The following SLC39A9 variants were observed in gnomAD, a reference collection of about 807,000 sequenced individuals.
SLC39A9 encodes the protein solute carrier family 39 member 9.
Under a neutral mutation model 28.4 loss-of-function variants are expected in SLC39A9, and 14 were observed. The ratio of observed to expected loss-of-function variants is 0.49; its 90% confidence interval spans 0.33 to 0.77. SLC39A9 has a LOEUF of 0.77. Ranked by LOEUF, SLC39A9 falls within the 30% of genes least tolerant of loss-of-function variation. The pLI is 0.02. For missense variants in SLC39A9, 283 were observed against 381.1 expected (o/e 0.74, Z 2.14); for synonymous variants, 119 against 149.6 (o/e 0.80, Z 1.49).
In SLC39A9 at chr14:69,459,264, C is replaced by T. The variant is rs1418466237; in HGVS notation, c.*671C>T. The T allele has an allele frequency of 2.0e-6, 2 of 985,300 alleles. No individual in the cohort carries two copies. Among genetic ancestry groups the T allele is most frequent in the African/African-American group, 3.5e-5 (2 of 57,224 alleles). 61.0% of individuals were successfully genotyped at this position (985,300 alleles called of 1,614,324 possible). On this transcript the variant is annotated 3_prime_UTR_variant, in exon 7 of 7. Transcript: ENST00000336643. ...ACGTGCCTCTCTGAATCCAGCCTGC[C>T]ATTCCATCAAATGGAGCAGGAGAGG... is the stretch of plus-strand genomic sequence containing the variant.
Position 69,455,883 on chromosome 14 carries a change from C to G in SLC39A9, c.693+17C>G. 6.2e-7 allele frequency: 1 copy of G among 1,612,700 alleles called. No homozygotes were observed. The highest frequency in any genetic ancestry group is 8.5e-7 in the Non-Finnish European group (1 of 1,179,222). ...CTGAGTAAGGTAAGCTAATCTATTC[C>G]CAGCTATCTAAACCAGTGTCTTGTG... On this transcript the variant is annotated intron_variant, in intron 6 of 6. Coordinates refer to ENST00000336643, the MANE Select transcript of SLC39A9 (RefSeq NM_018375.5).
intron 1 of SLC39A9, among the ~76,000 whole-genome samples, chr14:69,415,652 A>T (rs76972457): frequency 4.3e-5 from 2 of 46,418 alleles, no homozygotes; most frequent in African/African-American, 7.4e-5. Flanking sequence ...GCTGGGGATC[A>T]GGGGGGATTC....
Position 69,407,499 on chromosome 14 carries a change from C to T in SLC39A9, c.96+8034C>T, listed in dbSNP as rs144699459. On this transcript the variant is annotated intron_variant, in intron 1 of 6. Coordinates refer to ENST00000336643, the MANE Select transcript of SLC39A9 (RefSeq NM_018375.5). ...ATTACAGGCATGCACCACCACGCCC[C>T]ACTAATTTTGTATTTTTAGTTAGAG... Among the ~76,000 whole-genome samples, 618 of 150,692 alleles carry T rather than the reference C, an allele frequency of 4.1e-3. 6 individuals carry two copies. The highest frequency in any genetic ancestry group is 0.015 in the African/African-American group (595 of 41,022).
intron 1 of SLC39A9, among the ~76,000 whole-genome samples, chr14:69,408,267 C>A (rs188988318): frequency 7.1e-4 from 108 of 152,294 alleles, no homozygotes; most frequent in African/African-American, 2.4e-3. Context: ...CCCGCCTTGG[C>A]CTCCGGAAGT....
At chr14:69,453,351 A>G in intron 4 of SLC39A9, 42 bp downstream of exon 4, 1 of 1,561,230 alleles carries the variant, frequency 6.4e-7, no homozygotes, top group Non-Finnish European at 8.8e-7. Context: ...TTTCTATCGC[A>G]CAGGGGAGAC....
chr14:69,457,208 T>A (rs1263504594), intron 6 of SLC39A9, among the ~76,000 whole-genome samples: 1 of 151,016 alleles, frequency 6.6e-6, no homozygotes, highest in South Asian at 2.1e-4. Flanking sequence ...ACACACACAT[T>A]TTTTTTTTCC....
At chr14:69,414,844 A>G (rs927112820) in intron 1 of SLC39A9, among the ~76,000 whole-genome samples, 9 of 152,220 alleles carry the variant, frequency 5.9e-5, no homozygotes, top group African/African-American at 2.2e-4. Flanking sequence ...TCTGATTTCA[A>G]TCTTTATAGA....
At position 69,461,061 on chromosome 14, in the gene SLC39A9, T is replaced by G. The variant is rs1886091404; in HGVS notation, c.*2468T>G. 6.1e-6 allele frequency: 6 copies of G among 985,730 alleles called. No individual in the cohort carries two copies. Among genetic ancestry groups the G allele is most frequent in the Non-Finnish European group, 7.2e-6 (6 of 830,166 alleles). 61.1% of individuals were successfully genotyped at this position (985,730 alleles called of 1,614,324 possible). A position where few individuals can be genotyped will look rare whatever the true frequency, so the allele number is the denominator to read the frequency against. The stretch of plus-strand genomic sequence containing the variant: ...TTCCTCTTGTTTAAAACTGCCTCTT[T>G]AGATGTGGATGCCTTAATGCTGTAA... On this transcript the variant is annotated 3_prime_UTR_variant, in exon 7 of 7. Transcript: ENST00000336643.
Position 69,455,872 on chromosome 14 carries a change from C to G in SLC39A9, c.693+6C>G. On this transcript the variant is annotated splice_donor_region_variant and intron_variant, in intron 6 of 6. Coordinates refer to ENST00000336643, the MANE Select transcript of SLC39A9 (RefSeq NM_018375.5). ...CATACTTAGGACTGAGTAAGGTAAG[C>G]TAATCTATTCCCAGCTATCTAAACC... The G allele has an allele frequency of 6.2e-7, 1 of 1,613,704 alleles. No homozygotes were observed. The highest frequency in any genetic ancestry group is 8.5e-7 in the Non-Finnish European group (1 of 1,179,814).
Position 69,399,266 on chromosome 14 carries a change from C to G in SLC39A9, c.-104C>G. On this transcript the variant is annotated 5_prime_UTR_variant, in exon 1 of 7. Coordinates refer to ENST00000336643, the MANE Select transcript of SLC39A9 (RefSeq NM_018375.5). ...TGGGAAGGCCTAAAGAACTGGAAAG[C>G]CCACTCTCTTGGAACCACCACACCT... 1 of 971,528 alleles carries G rather than the reference C, an allele frequency of 1.0e-6. No homozygotes were observed. The highest frequency in any genetic ancestry group is 1.6e-6 in the Non-Finnish European group (1 of 626,422). 60.2% of individuals were successfully genotyped at this position (971,528 alleles called of 1,614,324 possible). A position where few individuals can be genotyped will look rare whatever the true frequency, so the allele number is the denominator to read the frequency against.
intron 1 of SLC39A9, among the ~76,000 whole-genome samples, chr14:69,411,211 C>CA (rs35337440): frequency 0.22 from 16,323 of 73,522 alleles, 1,472 homozygotes; most frequent in Middle Eastern, 0.4. Flanking sequence ...GATTCCATCT[C>CA]AAAAAAAAAA....
At chr14:69,451,735 A>AGACAAGGT (rs1378599824) in intron 3 of SLC39A9, among the ~76,000 whole-genome samples, 3 of 152,150 alleles carry the variant, frequency 2.0e-5, no homozygotes, top group Admixed American at 6.5e-5. Flanking sequence ...ATTTTTCTTG[A>AGACAAGGT]GACAAGGTCT....
chr14:69,434,188 A>G (rs1356590680), intron 2 of SLC39A9, among the ~76,000 whole-genome samples: 4 of 150,894 alleles, frequency 2.7e-5, no homozygotes, highest in Admixed American at 2.0e-4. Flanking sequence ...GGTTCAAGCA[A>G]TTCTCCTGTC....
chr14:69,461,752 TG>T lies in SLC39A9; in HGVS notation c.*3161del, dbSNP rs1886121800. 6.5e-7 allele frequency: 1 copy of T among 1,535,220 alleles called. No individual in the cohort carries two copies. Among genetic ancestry groups the T allele is most frequent in the African/African-American group, 1.4e-5 (1 of 73,118 alleles). On this transcript the variant is annotated 3_prime_UTR_variant, in exon 7 of 7. Transcript: ENST00000336643. ...GAGTGTATTAAGCCCCTGAAACACA[TG>T]GTAGCTAGGGACTGAACACAGGAAC... is the stretch of plus-strand genomic sequence containing the variant.
At chr14:69,402,216 G>A (rs2140242461) in intron 1 of SLC39A9, among the ~76,000 whole-genome samples, 1 of 151,088 alleles carries the variant, frequency 6.6e-6, no homozygotes, top group East Asian at 1.9e-4. Context: ...ACTAAGATAG[G>A]TGATGAGCTA....
intron 2 of SLC39A9, among the ~76,000 whole-genome samples, chr14:69,436,001 G>T (rs1371097431): frequency 6.6e-6 from 1 of 152,072 alleles, no homozygotes. Flanking sequence ...ATCTCATCCA[G>T]TGAATTTACT....
Position 69,460,762 on chromosome 14 carries a change from C to G in SLC39A9, c.*2169C>G. ...CCCTCTGGACCTCACTATTAACAAGCAAACCTTTCAGGGCCCTCTTAGCTC... is the reference window on the plus strand; with the variant it reads ...CCCTCTGGACCTCACTATTAACAAGGAAACCTTTCAGGGCCCTCTTAGCTC... On this transcript the variant is annotated 3_prime_UTR_variant, in exon 7 of 7. Transcript: ENST00000336643. 3 of 985,470 alleles carry G rather than the reference C, an allele frequency of 3.0e-6. No homozygotes were observed. The highest frequency in any genetic ancestry group is 3.6e-6 in the Non-Finnish European group (3 of 829,958). 61.0% of individuals were successfully genotyped at this position (985,470 alleles called of 1,614,324 possible). A position where few individuals can be genotyped will look rare whatever the true frequency, so the allele number is the denominator to read the frequency against.
chr14:69,445,531 G>A (rs1885254043), intron 3 of SLC39A9, among the ~76,000 whole-genome samples: 1 of 152,120 alleles, frequency 6.6e-6, no homozygotes, highest in South Asian at 2.1e-4. Flanking sequence ...ATCAACAGTA[G>A]GCTATTAGTG....
intron 3 of SLC39A9, among the ~76,000 whole-genome samples, chr14:69,442,753 T>A (rs1463713552): frequency 2.0e-5 from 3 of 152,220 alleles, no homozygotes; most frequent in Non-Finnish European, 1.5e-5. Flanking sequence ...CAAGTTAGAG[T>A]TGAATTTTAT....
Sources: gnomAD v4.1 joint callset for allele counts (sites outside exome capture counted in the v4.1 genomes callset) on GRCh38, gnomAD v4.1.1 for gene constraint, MANE v1.5 for transcripts, NCBI Gene and HGNC (gene_info 2026-07-23, HGNC 2026-07-21) for gene names.